The following FAP variants were observed in gnomAD, a reference collection of about 807,000 sequenced individuals.
FAP encodes the protein fibroblast activation protein alpha.
FAP carries 110 observed loss-of-function variants against 126.5 expected under a neutral mutation model. The observed-to-expected ratio is 0.87, with a 90% confidence interval of 0.74 to 1.02. The LOEUF (loss-of-function observed/expected upper bound fraction) is 1.02, where lower values mean the gene tolerates loss of function less well. FAP is among the 50% of genes least tolerant of loss of function. The probability of loss-of-function intolerance (pLI) is 0.00; values close to 1 mark genes in which losing one functional copy is unlikely to be tolerated. For synonymous variants in FAP, 334 were observed against 297.3 expected (o/e 1.12, Z -1.27); for missense variants, 919 against 909.2 (o/e 1.01, Z -0.14).
chr2:162,223,640 TG>T lies in FAP; in HGVS notation c.380del (p.Thr127LysfsTer15). The stretch of plus-strand genomic sequence containing the variant: ...TAAGGTCATAGATGTAATATGTTGC[TG>T]TGTAAGAGTATCTCCAAAGCTGTCA... ...DYSKLWRYSY[T>X]ATYYIYDLSN... On this transcript the variant is annotated frameshift_variant, in exon 6 of 26. Transcript: ENST00000188790. LOFTEE classifies it high-confidence loss of function. 1 of 1,610,314 alleles carries T rather than the reference TG, an allele frequency of 6.2e-7. No homozygotes were observed. The highest frequency in any genetic ancestry group is 8.5e-7 in the Non-Finnish European group (1 of 1,176,786).
chr2:162,183,222 A>C (rs574395076), intron 21 of FAP, among the ~76,000 whole-genome samples, 192 bp downstream of exon 21: 1 of 152,318 alleles, frequency 6.6e-6, no homozygotes, highest in South Asian at 2.1e-4. Flanking sequence ...CAGGGAAGAA[A>C]AGATTGAAAA....
intron 7 of FAP, 49 bp downstream of exon 7, chr2:162,219,804 C>T: frequency 7.9e-7 from 1 of 1,273,152 alleles, no homozygotes; most frequent in Non-Finnish European, 1.1e-6. Context: ...AATCAAATGG[C>T]TCCTCTTTTA....
At chr2:162,171,318 C>A (rs989174096) in intron 25 of FAP, 2 of 376,226 alleles carry the variant, frequency 5.3e-6, no homozygotes, top group East Asian at 4.6e-5. Flanking sequence ...GCTGAGATCT[C>A]GCATCATCCA....
intron 2 of FAP, among the ~76,000 whole-genome samples, chr2:162,240,312 T>C (rs765993177): frequency 1.9e-4 from 29 of 152,276 alleles, no homozygotes; most frequent in Non-Finnish European, 2.1e-4. Flanking sequence ...ATTTCACTAC[T>C]ACATTTCATA....
intron 3 of FAP, 33 bp downstream of exon 3, chr2:162,226,490 A>T (rs1689653338): frequency 8.3e-7 from 1 of 1,203,104 alleles, no homozygotes; most frequent in East Asian, 2.4e-5. Flanking sequence ...AAAATACATA[A>T]AAAAAACCCC....
At chr2:162,196,788 ATGGCGCAGTGACTCATTTTAC>A (rs1264702852) in intron 16 of FAP, among the ~76,000 whole-genome samples, 1 of 152,170 alleles carries the variant, frequency 6.6e-6, no homozygotes, top group Non-Finnish European at 1.5e-5. Context: ...TTTTCCTATG[ATGGCGCAGTGACTCATTTTAC>A]TGGAGCTTCA....
At chr2:162,198,296 C>A (rs1011505892) in intron 16 of FAP, 3 of 1,289,604 alleles carry the variant, frequency 2.3e-6, no homozygotes, top group Non-Finnish European at 3.0e-6. Flanking sequence ...GTTGTTCATT[C>A]CCCTGGATGT....
At position 162,228,150 on chromosome 2, in the gene FAP, G is replaced by C. The variant is rs551083778; in HGVS notation, c.92-1529C>G. ...ATAAATAGTTGTTGAACAAATGAAT[G>C]CATGAAATGAAGGCTGGCTGGATGG... On this transcript the variant is annotated intron_variant, in intron 2 of 25. Transcript: ENST00000188790. Among the ~76,000 whole-genome samples, 4 of 152,260 alleles carry C rather than the reference G, an allele frequency of 2.6e-5. No individual in the cohort carries two copies. In the South Asian group the frequency reaches 6.2e-4, roughly 24 times the overall value.
chr2:162,218,215 C>A, intron 8 of FAP, 75 bp from the exon 9 acceptor site: 1 of 962,250 alleles, frequency 1.0e-6, no homozygotes, highest in Non-Finnish European at 1.5e-6. Flanking sequence ...TTCTAAATAG[C>A]TATTTATCAA....
chr2:162,224,401 T>C, intron 5 of FAP, 65 bp downstream of exon 5: 1 of 998,714 alleles, frequency 1.0e-6, no homozygotes. Flanking sequence ...CTCTCACTTT[T>C]TTTAAACCAC....
chr2:162,172,933 A>G (rs1177930135), intron 24 of FAP, 49 bp from the exon 25 acceptor site: 1 of 1,434,740 alleles, frequency 7.0e-7, no homozygotes, highest in Non-Finnish European at 9.8e-7. Flanking sequence ...ACCAGAAAGC[A>G]TAGAGTGACA....
At position 162,210,475 on chromosome 2, in the gene FAP, T is replaced by A. The variant is rs1688884451; in HGVS notation, c.1003-479A>T. On this transcript the variant is annotated intron_variant, in intron 11 of 25. Transcript: ENST00000188790. The stretch of plus-strand genomic sequence containing the variant: ...TGAATAGACTTTTCTAGACAAATAA[T>A]TAGAAAAAGAAGAACATTCTAGGTA... Among the ~76,000 whole-genome samples the A allele has an allele frequency of 2.6e-5, 4 of 152,110 alleles. No homozygotes were observed. The South Asian group carries it at 8.3e-4, about 31-fold the overall frequency.
chr2:162,194,693 G>T lies in FAP; in HGVS notation c.1450+8C>A. 2 of 1,612,956 alleles carry T rather than the reference G, an allele frequency of 1.2e-6. No individual in the cohort carries two copies. Among genetic ancestry groups the T allele is most frequent in the Non-Finnish European group, 1.7e-6 (2 of 1,179,070 alleles). ...GAGACAAGATAGATAACATGCAAGAGAGAGTACCTTGATCAGTGCGTCCAT... is the reference window on the plus strand; with the variant it reads ...GAGACAAGATAGATAACATGCAAGATAGAGTACCTTGATCAGTGCGTCCAT... On this transcript the variant is annotated splice_region_variant and intron_variant, in intron 17 of 25. Coordinates refer to ENST00000188790, the MANE Select transcript of FAP (RefSeq NM_004460.5).
intron 20 of FAP, 157 bp from the exon 21 acceptor site, chr2:162,183,625 T>C: frequency 3.4e-6 from 2 of 589,884 alleles, no homozygotes; most frequent in Non-Finnish European, 6.1e-6. Context: ...ATAATTAAAA[T>C]AATATTATCA....
chr2:162,225,446 A>G lies in FAP; in HGVS notation c.285+37T>C, dbSNP rs111769206. ...TTTCTTGGTCAATGAAGAGTGGGCAAAGGTTTCTGAGGGGGAAGATGATGT... is the reference window on the plus strand; with the variant it reads ...TTTCTTGGTCAATGAAGAGTGGGCAGAGGTTTCTGAGGGGGAAGATGATGT... On this transcript the variant is annotated intron_variant, in intron 4 of 25. Coordinates refer to ENST00000188790, the MANE Select transcript of FAP (RefSeq NM_004460.5). 448 of 1,582,512 alleles carry G rather than the reference A, an allele frequency of 2.8e-4. 3 individuals carry two copies. The African/African-American group carries it at 4.7e-3, about 17-fold the overall frequency.
chr2:162,240,551 T>A (rs1206310207), intron 2 of FAP, among the ~76,000 whole-genome samples: 1 of 152,204 alleles, frequency 6.6e-6, no homozygotes, highest in East Asian at 1.9e-4. Flanking sequence ...CACCTCCATA[T>A]CCTCAGCAAC....
At chr2:162,242,146 A>G (rs1690379000) in intron 2 of FAP, among the ~76,000 whole-genome samples, 1 of 151,962 alleles carries the variant, frequency 6.6e-6, no homozygotes, top group Admixed American at 6.6e-5. Flanking sequence ...TTTTTTTTCC[A>G]TTTCAGAAGC....
intron 12 of FAP, among the ~76,000 whole-genome samples, chr2:162,204,041 A>T (rs1163157043): frequency 6.6e-6 from 1 of 152,110 alleles, no homozygotes; most frequent in Non-Finnish European, 1.5e-5. Flanking sequence ...GGAAAGAGCT[A>T]CTCTACATCA....
chr2:162,201,112 C>T (rs1196193517), intron 14 of FAP, among the ~76,000 whole-genome samples: 8 of 152,194 alleles, frequency 5.3e-5, no homozygotes, highest in Non-Finnish European at 1.2e-4. Flanking sequence ...CATAAGAGAA[C>T]ATGCTTTTAC....
Sources: gnomAD v4.1 joint callset for allele counts (sites outside exome capture counted in the v4.1 genomes callset) on GRCh38, gnomAD v4.1.1 for gene constraint, MANE v1.5 for transcripts, NCBI Gene and HGNC (gene_info 2026-07-23, HGNC 2026-07-21) for gene names.